The following RAB4A variants were observed in gnomAD, a reference collection of about 807,000 sequenced individuals.
The protein encoded by RAB4A is ras-related protein Rab-4A.
Under a neutral mutation model 34.5 loss-of-function variants are expected in RAB4A, and 20 were observed. That is an observed-to-expected ratio of 0.58 (90% CI 0.41 to 0.84). RAB4A has a LOEUF of 0.84. Among genes scored for constraint, RAB4A ranks in the 40% least tolerant of loss-of-function variants. The pLI is 0.00. For missense variants in RAB4A, 228 were observed against 274.5 expected, an observed-to-expected ratio of 0.83 and a Z score of 1.20; for synonymous variants, 102 against 100.0, an observed-to-expected ratio of 1.02 and a Z score of -0.12.
intron 6 of RAB4A, among the ~76,000 whole-genome samples, chr1:229,302,303 A>ATTTTTTTTTTT (rs1657427596): frequency 2.5e-5 from 1 of 39,702 alleles, no homozygotes; most frequent in Non-Finnish European, 4.9e-5. Flanking sequence ...ATATATATAT[A>ATTTTTTTTTTT]TATATATTTT....
chr1:229,292,945 A>T (rs1657132690), intron 3 of RAB4A, among the ~76,000 whole-genome samples: 1 of 152,196 alleles, frequency 6.6e-6, no homozygotes, highest in African/African-American at 2.4e-5. Flanking sequence ...CCCCCGCTTC[A>T]GACACCAGTC....
chr1:229,274,558 C>G (rs1656591714), intron 1 of RAB4A, among the ~76,000 whole-genome samples: 1 of 152,128 alleles, frequency 6.6e-6, no homozygotes, highest in South Asian at 2.1e-4. Context: ...GGATGAAACC[C>G]TTAGTCTGAA....
chr1:229,271,684 A>G (rs1320376958), intron 1 of RAB4A, among the ~76,000 whole-genome samples: 2 of 152,130 alleles, frequency 1.3e-5, no homozygotes, highest in African/African-American at 4.8e-5. Context: ...GTCTAATGTA[A>G]ATAACTGAAG....
intron 1 of RAB4A, among the ~76,000 whole-genome samples, chr1:229,273,330 T>C (rs1656549294): frequency 6.6e-6 from 1 of 152,266 alleles, no homozygotes; most frequent in Non-Finnish European, 1.5e-5. Flanking sequence ...CATAAGGCTT[T>C]GACCATTAGT....
At chr1:229,292,871 A>G (rs926661609) in intron 3 of RAB4A, among the ~76,000 whole-genome samples, 2 of 151,946 alleles carry the variant, frequency 1.3e-5, no homozygotes, top group East Asian at 1.9e-4. Flanking sequence ...CAACACTTCA[A>G]TTCACTTTTG....
chr1:229,275,177 G>A (rs1380768949), intron 1 of RAB4A, among the ~76,000 whole-genome samples: 1 of 152,164 alleles, frequency 6.6e-6, no homozygotes, highest in Non-Finnish European at 1.5e-5. Flanking sequence ...TCATCGTACT[G>A]AATTATGGTG....
chr1:229,273,552 C>G (rs1341538012), intron 1 of RAB4A, among the ~76,000 whole-genome samples: 1 of 152,144 alleles, frequency 6.6e-6, no homozygotes, highest in Non-Finnish European at 1.5e-5. Flanking sequence ...CCAGCCTGGC[C>G]AACATGGCGA....
At chr1:229,298,036 T>G (rs1334220687) in intron 5 of RAB4A, among the ~76,000 whole-genome samples, 2 of 152,208 alleles carry the variant, frequency 1.3e-5, no homozygotes, top group Non-Finnish European at 2.9e-5. Context: ...AAGAAATACT[T>G]GGCTTTTTGG....
In RAB4A at chr1:229,305,341, G is replaced by T; in HGVS notation, c.*1548G>T. On this transcript the variant is annotated 3_prime_UTR_variant, in exon 8 of 8. Coordinates refer to ENST00000366690, the MANE Select transcript of RAB4A (RefSeq NM_004578.4). Reference sequence around the variant, plus strand: ...CTCATTTTTGAACAGCTTTTTGCATGGGATAGGAGCATGTCTATTCTAACA... The same window carrying T: ...CTCATTTTTGAACAGCTTTTTGCATTGGATAGGAGCATGTCTATTCTAACA... 6.6e-7 allele frequency: 1 copy of T among 1,525,940 alleles called. No homozygotes were observed. The highest frequency in any genetic ancestry group is 8.8e-7 in the Non-Finnish European group (1 of 1,132,276). 94.5% of individuals were successfully genotyped at this position (1,525,940 alleles called of 1,614,324 possible). A position where few individuals can be genotyped will look rare whatever the true frequency, so the allele number is the denominator to read the frequency against.
chr1:229,294,366 G>C (rs1471542168), intron 3 of RAB4A, among the ~76,000 whole-genome samples: 2 of 152,256 alleles, frequency 1.3e-5, no homozygotes, highest in African/African-American at 4.8e-5. Flanking sequence ...GTGAGCGGGA[G>C]GAAGACTAGC....
At chr1:229,273,625 GC>G (rs1488741628) in intron 1 of RAB4A, among the ~76,000 whole-genome samples, 19 of 152,192 alleles carry the variant, frequency 1.2e-4, no homozygotes, top group Admixed American at 1.2e-3. Context: ...TGTAGTCCCG[GC>G]TACTTGGGAG....
rs139167201 is a variant in RAB4A at position 229,295,898 on chromosome 1, A to G, written c.278A>G (p.Tyr93Cys). 16 of 1,613,954 alleles carry G rather than the reference A, an allele frequency of 9.9e-6. No individual in the cohort carries two copies. Among genetic ancestry groups the G allele is most frequent in the Middle Eastern group, 1.6e-4 (1 of 6,082 alleles). The change falls in exon 4 of 8, where the codon TAT becomes TGT. Residue 93 changes from tyrosine (Y) to cysteine (C), a missense_variant. Physicochemically the swap from Tyr to Cys is radical, Grantham distance 194 (BLOSUM62 -2). Coordinates refer to ENST00000366690, the MANE Select transcript of RAB4A (RefSeq NM_004578.4). ...YRGAAGALLV[Y>C]DITSRETYNA... The stretch of plus-strand genomic sequence containing the variant: ...GGCGCGGCCGGGGCTCTCCTCGTCT[A>G]TGATATCACCAGGTAATGCCAGCTC...
In RAB4A at chr1:229,302,280, TATATATATATATATATATATATA is replaced by T. The variant is rs1178228337; in HGVS notation, c.542-581_542-559del. 5.2e-3 allele frequency among the ~76,000 whole-genome samples: 104 copies of T among 19,816 alleles called. 4 individuals are homozygous for T. Among genetic ancestry groups the T allele is most frequent in the African/African-American group, 0.022 (100 of 4,512 alleles). The allele number at this position is 19,816 out of a possible 152,430, so 13.0% of individuals were successfully genotyped here. Reference sequence around the variant, plus strand: ...AATTATATATATATATATATATATATATATATATATATATATATATATATATATATTTTTTTTTTTTTTTTACA... The same window carrying T: ...AATTATATATATATATATATATATATTATATATTTTTTTTTTTTTTTTACA... On this transcript the variant is annotated intron_variant, in intron 6 of 7. Transcript: ENST00000366690.
In RAB4A at chr1:229,286,582, T is replaced by G; in HGVS notation, c.112+16T>G. The G allele has an allele frequency of 6.7e-7, 1 of 1,481,900 alleles. No individual in the cohort carries two copies. Among genetic ancestry groups the G allele is most frequent in the Non-Finnish European group, 9.2e-7 (1 of 1,084,044 alleles). The allele number at this position is 1,481,900 out of a possible 1,614,324, so 91.8% of individuals were successfully genotyped here. A position where few individuals can be genotyped will look rare whatever the true frequency, so the allele number is the denominator to read the frequency against. On this transcript the variant is annotated intron_variant, in intron 2 of 7. Transcript: ENST00000366690. The stretch of plus-strand genomic sequence containing the variant: ...GAAAAAAAATGTAAGTGTCATGAAA[T>G]TAGTCATTCTTCCGTGCATGTCTTC...
intron 1 of RAB4A, among the ~76,000 whole-genome samples, chr1:229,276,868 A>G (rs1024541888): frequency 6.6e-6 from 1 of 150,902 alleles, no homozygotes; most frequent in Non-Finnish European, 1.5e-5. Flanking sequence ...GCCACACAGC[A>G]TCTGCACCAC....
intron 3 of RAB4A, among the ~76,000 whole-genome samples, chr1:229,290,311 A>G (rs1284309584): frequency 6.6e-6 from 1 of 152,176 alleles, no homozygotes; most frequent in Non-Finnish European, 1.5e-5. Flanking sequence ...AAAGAGGGAA[A>G]TTAAGTGAAA....
At chr1:229,299,137 C>G in intron 6 of RAB4A, 65 bp downstream of exon 6, 1 of 1,114,560 alleles carries the variant, frequency 9.0e-7, no homozygotes. Context: ...AGTAGATCAC[C>G]TTTTAATTAA....
intron 6 of RAB4A, 124 bp downstream of exon 6, chr1:229,299,196 C>A: frequency 1.5e-6 from 1 of 660,474 alleles, no homozygotes; most frequent in Non-Finnish European, 2.5e-6. Context: ...ACCTGCCAAC[C>A]TAAAATCATC....
In RAB4A at chr1:229,305,300, A is replaced by G. The variant is rs1657522214; in HGVS notation, c.*1507A>G. 2.5e-6 allele frequency: 4 copies of G among 1,588,334 alleles called. No homozygotes were observed. The South Asian group carries it at 3.5e-5, about 14-fold the overall frequency. On this transcript the variant is annotated 3_prime_UTR_variant, in exon 8 of 8. Coordinates refer to ENST00000366690, the MANE Select transcript of RAB4A (RefSeq NM_004578.4). ...TATTTTATTCAATGTCTCATTTATG[A>G]TAGATTTGCAAGCTGCTCATTTTTG...
Sources: allele counts gnomAD v4.1 joint callset (sites outside exome capture counted in the v4.1 genomes callset), GRCh38; gene constraint gnomAD v4.1.1; transcripts MANE v1.5; gene names NCBI Gene and HGNC (gene_info 2026-07-23, HGNC 2026-07-21).